MACROD2: variants seen among roughly 807,000 people sequenced by gnomAD.
MACROD2 encodes mono-ADP ribosylhydrolase 2, also known as ADP-ribose glycohydrolase MACROD2.
MACROD2 carries 36 observed loss-of-function variants against 70.4 expected under a neutral mutation model. The ratio of observed to expected loss-of-function variants is 0.51; its 90% CI spans 0.39 to 0.68. The LOEUF is 0.68. MACROD2 is among the 30% of genes least tolerant of loss of function. The pLI, the probability that MACROD2 is intolerant of heterozygous loss-of-function variation, is 0.00. For synonymous variants in MACROD2, 172 were observed against 178.8 expected (o/e 0.96, Z 0.30); for missense variants, 496 against 538.4 (o/e 0.92, Z 0.78).
chr20:15,296,645 C>T (rs894271243), intron 6 of MACROD2, among the ~76,000 whole-genome samples: 1 of 152,216 alleles, frequency 6.6e-6, no homozygotes, highest in African/African-American at 2.4e-5. Flanking sequence ...CCACTGCACT[C>T]TCACATACCT....
chr20:14,206,181 T>C lies in MACROD2; in HGVS notation c.271+120453T>C, dbSNP rs114041122. ...GCAAAGTATCTTACAATACATAGGA[T>C]GGCCCCTCACAACAAAGAATTATCC... On this transcript the variant is annotated intron_variant, in intron 3 of 17. Coordinates refer to ENST00000684519, the MANE Select transcript of MACROD2 (RefSeq NM_001351661.2). Among the ~76,000 whole-genome samples, 400 of 152,292 alleles carry C rather than the reference T, an allele frequency of 2.6e-3. 4 individuals carry two copies. The highest frequency in any genetic ancestry group is 9.4e-3 in the African/African-American group (389 of 41,542).
intron 3 of MACROD2, among the ~76,000 whole-genome samples, chr20:14,219,742 C>G (rs1280429997): frequency 2.0e-5 from 3 of 152,174 alleles, no homozygotes; most frequent in East Asian, 1.9e-4. Context: ...GTACTCTCCC[C>G]CTTTTCCTGT....
At chr20:15,477,865 A>G (rs1369144892) in intron 7 of MACROD2, among the ~76,000 whole-genome samples, 2 of 152,188 alleles carry the variant, frequency 1.3e-5, no homozygotes, top group African/African-American at 4.8e-5. Flanking sequence ...GGTCAGAGTC[A>G]GAGAAGACAA....
At chr20:15,074,693 T>A (rs1267275365) in intron 5 of MACROD2, among the ~76,000 whole-genome samples, 1 of 152,174 alleles carries the variant, frequency 6.6e-6, no homozygotes, top group Admixed American at 6.5e-5. Context: ...ACTGCAGAAT[T>A]GATTGCTTGC....
chr20:14,654,271 T>C (rs1161973184), intron 4 of MACROD2, among the ~76,000 whole-genome samples: 1 of 151,826 alleles, frequency 6.6e-6, no homozygotes, highest in African/African-American at 2.4e-5. Flanking sequence ...CTTTGGCTAG[T>C]CTCGGTGGCT....
At chr20:14,898,717 C>T (rs1789892329) in intron 5 of MACROD2, among the ~76,000 whole-genome samples, 1 of 152,188 alleles carries the variant, frequency 6.6e-6, no homozygotes, top group African/African-American at 2.4e-5. Context: ...AATGTCTCAA[C>T]TGTCCTCACA....
intron 10 of MACROD2, among the ~76,000 whole-genome samples, chr20:15,899,955 A>G (rs1439905167): frequency 6.6e-6 from 1 of 152,126 alleles, no homozygotes; most frequent in East Asian, 1.9e-4. Flanking sequence ...TGAATACATG[A>G]ACCATTTATG....
At chr20:14,927,318 G>T (rs1027174581) in intron 5 of MACROD2, among the ~76,000 whole-genome samples, 4 of 152,170 alleles carry the variant, frequency 2.6e-5, no homozygotes, top group Non-Finnish European at 4.4e-5. Context: ...TCCATTCTAT[G>T]TAGTTTAATC....
intron 2 of MACROD2, among the ~76,000 whole-genome samples, chr20:14,041,418 G>A (rs917650548): frequency 6.6e-5 from 10 of 152,022 alleles, no homozygotes; most frequent in African/African-American, 2.4e-4. Flanking sequence ...TCATTTTGAG[G>A]ACATAATTTC....
rs898333544 is a variant in MACROD2 at position 14,745,421 on chromosome 20, G to A, written c.418+60462G>A. 3.9e-5 allele frequency among the ~76,000 whole-genome samples: 6 copies of A among 152,264 alleles called. 1 individual carries two copies. The highest frequency in any genetic ancestry group is 3.4e-3 in the Middle Eastern group (1 of 294). On this transcript the variant is annotated intron_variant, in intron 5 of 17. Coordinates refer to ENST00000684519, the MANE Select transcript of MACROD2 (RefSeq NM_001351661.2). ...TGCTGCGGAATATCATGGCTGATGG[G>A]TGTCCTGCAGAGGCAGTGTTACAGC... is the stretch of plus-strand genomic sequence containing the variant.
At chr20:15,648,367 C>T (rs562413467) in intron 8 of MACROD2, among the ~76,000 whole-genome samples, 2 of 152,264 alleles carry the variant, frequency 1.3e-5, no homozygotes, top group African/African-American at 4.8e-5. Flanking sequence ...TCCACAGGAC[C>T]TTGGGCCTCC....
intron 4 of MACROD2, among the ~76,000 whole-genome samples, chr20:14,662,304 G>A (rs190982263): frequency 2.0e-5 from 3 of 152,146 alleles, no homozygotes; most frequent in Admixed American, 2.0e-4. Context: ...ATTGAAATTG[G>A]ACCCCTTCCT....
At chr20:15,387,892 G>A (rs1311542989) in intron 6 of MACROD2, among the ~76,000 whole-genome samples, 1 of 151,602 alleles carries the variant, frequency 6.6e-6, no homozygotes, top group Non-Finnish European at 1.5e-5. Flanking sequence ...ACAGGTGCAT[G>A]CCACCATGTC....
At chr20:14,475,395 C>T (rs954066065) in intron 3 of MACROD2, among the ~76,000 whole-genome samples, 1 of 152,034 alleles carries the variant, frequency 6.6e-6, no homozygotes, top group Non-Finnish European at 1.5e-5. Context: ...GGTTTACACA[C>T]CATGATTACA....
intron 6 of MACROD2, among the ~76,000 whole-genome samples, chr20:15,307,691 C>T (rs930469147): frequency 1.3e-5 from 2 of 152,062 alleles, no homozygotes; most frequent in African/African-American, 2.4e-5. Context: ...CTAATTTATG[C>T]ACCTTGTTCA....
intron 5 of MACROD2, among the ~76,000 whole-genome samples, chr20:14,928,595 C>T (rs193301077): frequency 6.6e-6 from 1 of 152,248 alleles, no homozygotes; most frequent in African/African-American, 2.4e-5. Context: ...AGTCCACTGC[C>T]TGCTGGACGG....
intron 5 of MACROD2, among the ~76,000 whole-genome samples, chr20:14,860,393 C>T (rs1195133994): frequency 6.6e-6 from 1 of 152,050 alleles, no homozygotes; most frequent in Non-Finnish European, 1.5e-5. Flanking sequence ...ATTCTACTTT[C>T]CTCCTCCCCT....
chr20:14,307,312 C>G lies in MACROD2; in HGVS notation c.272-186167C>G, dbSNP rs1297611299. ...AAAGGAATCTGAATGTTGACCTAAA[C>G]TCATAACATGGATAGGTGAGAGACA... On this transcript the variant is annotated intron_variant, in intron 3 of 17. Coordinates refer to ENST00000684519, the MANE Select transcript of MACROD2 (RefSeq NM_001351661.2). Among the ~76,000 whole-genome samples the G allele has an allele frequency of 2.0e-5, 3 of 152,098 alleles. No homozygotes were observed. In the East Asian group the frequency reaches 5.8e-4, roughly 29 times the overall value.
At chr20:14,451,438 CTG>C (rs1420331871) in intron 3 of MACROD2, among the ~76,000 whole-genome samples, 2 of 152,090 alleles carry the variant, frequency 1.3e-5, no homozygotes, top group African/African-American at 2.4e-5. Context: ...CAGAGAGAAA[CTG>C]TGTCTCGACA....
Sources: gnomAD v4.1 joint callset for allele counts (sites outside exome capture counted in the v4.1 genomes callset) on GRCh38, gnomAD v4.1.1 for gene constraint, MANE v1.5 for transcripts, NCBI Gene and HGNC (gene_info 2026-07-23, HGNC 2026-07-21) for gene names.